Variants in CACNA2D4 observed in about 807,000 individuals in gnomAD.
CACNA2D4 encodes the protein voltage-dependent calcium channel subunit alpha-2/delta-4.
CACNA2D4 carries 157 observed loss-of-function variants against 163.8 expected under a neutral mutation model. The observed-to-expected ratio is 0.96, with a 90% CI of 0.84 to 1.09. The LOEUF (loss-of-function observed/expected upper bound fraction) is 1.09. CACNA2D4 is among the 50% of genes least tolerant of loss of function. CACNA2D4 has a pLI of 0.00. For synonymous variants in CACNA2D4, 598 were observed against 586.9 expected (o/e 1.02, Z -0.27); for missense variants, 1,410 against 1,479.9 (o/e 0.95, Z 0.78).
Position 1,834,953 on chromosome 12 carries a change from G to A in CACNA2D4, c.2551+5786C>T, listed in dbSNP as rs1864793466. The A allele has an allele frequency of 1.4e-6, 1 of 723,372 alleles. No homozygotes were observed. 44.8% of individuals were successfully genotyped at this position (723,372 alleles called of 1,614,324 possible). A position where few individuals can be genotyped will look rare whatever the true frequency, so the allele number is the denominator to read the frequency against. On this transcript the variant is annotated intron_variant, in intron 26 of 37. Coordinates refer to ENST00000382722, the MANE Select transcript of CACNA2D4 (RefSeq NM_172364.5). The surrounding 1 kb of genome is among the most constrained non-coding windows in gnomAD (Gnocchi z 7.6). Reference sequence around the variant, plus strand: ...TCCTGTCTGGGCCAGTAAATCTTTGGAACATGTGGGGGATCTCCCTAAGCT... The same window carrying A: ...TCCTGTCTGGGCCAGTAAATCTTTGAAACATGTGGGGGATCTCCCTAAGCT...
At position 1,875,295 on chromosome 12, in the gene CACNA2D4, T is replaced by A; in HGVS notation, c.1762A>T (p.Ser588Cys). The change falls in exon 17 of 38, where the codon AGT (serine) becomes TGT (cysteine). Residue 588 changes from serine (S) to cysteine (C), a missense_variant. Coordinates refer to ENST00000382722, the MANE Select transcript of CACNA2D4 (RefSeq NM_172364.5). This position sits in a 1 kb window ranked among gnomAD's most constrained non-coding sequence, Gnocchi z 4.0. ...CACTCCACTTCGGAGAGATCCACAC[T>A]GTTGTAGTTAGGTTTGGGTTTTAGT... ...KKLKPKPNYN[S>C]VDLSEVEWED... 1 of 1,613,926 alleles carries A rather than the reference T, an allele frequency of 6.2e-7. No individual in the cohort carries two copies. The highest frequency in any genetic ancestry group is 1.1e-5 in the South Asian group (1 of 91,088).
chr12:1,878,180 T>C lies in CACNA2D4; in HGVS notation c.1719+135A>G. On this transcript the variant is annotated intron_variant, in intron 16 of 37. Transcript: ENST00000382722. This position sits in a 1 kb window ranked among gnomAD's most constrained non-coding sequence, Gnocchi z 4.6. The stretch of plus-strand genomic sequence containing the variant: ...TTGAAAACAGGGACCATGACTCGAA[T>C]ACATTTTTTTTCTCATATTACCCAC... 1 of 972,838 alleles carries C rather than the reference T, an allele frequency of 1.0e-6. No individual in the cohort carries two copies. The highest frequency in any genetic ancestry group is 1.4e-5 in the South Asian group (1 of 70,654). The allele number at this position is 972,838 out of a possible 1,614,324, so 60.3% of individuals were successfully genotyped here.
At chr12:1,795,849 T>G (rs1863106879) in intron 35 of CACNA2D4, 69 bp from the exon 36 acceptor site, 1 of 991,252 alleles carries the variant, frequency 1.0e-6, no homozygotes, top group Non-Finnish European at 1.6e-6. Context: ...GGGAAGGAAC[T>G]TCTGGAGACT....
intron 6 of CACNA2D4, among the ~76,000 whole-genome samples, chr12:1,907,238 A>G (rs1866681300): frequency 6.6e-6 from 1 of 152,208 alleles, no homozygotes; most frequent in South Asian, 2.1e-4. Flanking sequence ...TCATTCATTC[A>G]TTCATTCATC....
rs1863545446 is a variant in CACNA2D4, at chr12:1,806,553, C to G, written c.2721+3725G>C. Among the ~76,000 whole-genome samples the G allele has an allele frequency of 6.6e-6, 1 of 152,184 alleles. No homozygotes were observed. The highest frequency in any genetic ancestry group is 1.9e-4 in the East Asian group (1 of 5,198). On this transcript the variant is annotated intron_variant, in intron 29 of 37. Transcript: ENST00000382722. This position sits in a 1 kb window ranked among gnomAD's most constrained non-coding sequence, Gnocchi z 4.1. Reference sequence around the variant, plus strand: ...GCTCAACAGGCTTCTCTCTCCAGGCCCCTGGGTAAGCCCTAGCAGGGACAA... The same window carrying G: ...GCTCAACAGGCTTCTCTCTCCAGGCGCCTGGGTAAGCCCTAGCAGGGACAA...
intron 6 of CACNA2D4, among the ~76,000 whole-genome samples, chr12:1,896,489 A>T (rs982018497): frequency 1.3e-5 from 2 of 152,180 alleles, no homozygotes; most frequent in African/African-American, 4.8e-5. Flanking sequence ...TCAAAAGAAG[A>T]CATACAAATG....
intron 18 of CACNA2D4, among the ~76,000 whole-genome samples, chr12:1,867,756 C>A (rs75471863): frequency 2.0e-3 from 271 of 135,782 alleles, no homozygotes; most frequent in African/African-American, 5.3e-3. Flanking sequence ...AGCAAAAAAA[C>A]CAAAAAACAA....
At chr12:1,855,045 A>G (rs1340390756) in intron 22 of CACNA2D4, among the ~76,000 whole-genome samples, 2 of 152,170 alleles carry the variant, frequency 1.3e-5, no homozygotes, top group Non-Finnish European at 2.9e-5. Context: ...AAGTGGCTTA[A>G]CAGGATCTCC....
At chr12:1,842,636 C>T (rs1865053731) in intron 25 of CACNA2D4, among the ~76,000 whole-genome samples, 1 of 142,628 alleles carries the variant, frequency 7.0e-6, no homozygotes, top group Non-Finnish European at 1.5e-5. Flanking sequence ...ACCTCATCAC[C>T]ACATAAAGCT....
chr12:1,879,969 C>T lies in CACNA2D4; in HGVS notation c.1486-88G>A, dbSNP rs1218775248. 1.1e-5 allele frequency: 8 copies of T among 747,296 alleles called. No individual in the cohort carries two copies. The Admixed American group carries it at 1.7e-4, about 16-fold the overall frequency. 46.3% of individuals were successfully genotyped at this position (747,296 alleles called of 1,614,324 possible). ...CGGAGCACCCAGTGCGGAGAACCCA[C>T]AGTCACCACATCAATTATCCAGCGT... On this transcript the variant is annotated intron_variant, in intron 13 of 37. Transcript: ENST00000382722.
intron 26 of CACNA2D4, chr12:1,827,923 G>C (rs891091831): frequency 3.4e-5 from 14 of 411,764 alleles, no homozygotes; most frequent in African/African-American, 2.9e-4. Context: ...AAGGCTTCCT[G>C]GCTCCTCTTC....
rs1865389596 is a variant in CACNA2D4, at chr12:1,855,993, G to A, written c.2152+19C>T. ...GGCCCCAGAGGAAAAGCTTGCCTCA[G>A]TGGGCGGCCAGCACTCACACTCCAG... On this transcript the variant is annotated intron_variant, in intron 22 of 37. Coordinates refer to ENST00000382722, the MANE Select transcript of CACNA2D4 (RefSeq NM_172364.5). 1.3e-6 allele frequency: 2 copies of A among 1,597,660 alleles called. No homozygotes were observed. The highest frequency in any genetic ancestry group is 1.7e-5 in the Admixed American group (1 of 59,994).
intron 18 of CACNA2D4, among the ~76,000 whole-genome samples, chr12:1,866,446 TA>T (rs1865652990): frequency 6.6e-6 from 1 of 152,194 alleles, no homozygotes; most frequent in African/African-American, 2.4e-5. Flanking sequence ...AGAGAATAAA[TA>T]AAATATAGTC....
intron 23 of CACNA2D4, among the ~76,000 whole-genome samples, chr12:1,847,549 A>AG (rs1865175644): frequency 6.6e-6 from 1 of 152,170 alleles, no homozygotes; most frequent in Admixed American, 6.5e-5. Flanking sequence ...TCCTGTAGCC[A>AG]GGGGGCTTGT....
chr12:1,844,323 C>T lies in CACNA2D4; in HGVS notation c.2470+79G>A, dbSNP rs1865094322. On this transcript the variant is annotated intron_variant, in intron 25 of 37. Coordinates refer to ENST00000382722, the MANE Select transcript of CACNA2D4 (RefSeq NM_172364.5). This position sits in a 1 kb window ranked among gnomAD's most constrained non-coding sequence, Gnocchi z 4.2. ...CTATTCCATATCTCGTTCCCATTTCCCACTAAGAGCACAGCAGGAGGAGAG... is the reference window on the plus strand; with the variant it reads ...CTATTCCATATCTCGTTCCCATTTCTCACTAAGAGCACAGCAGGAGGAGAG... The T allele has an allele frequency of 6.6e-7, 1 of 1,522,468 alleles. No individual in the cohort carries two copies. The allele number at this position is 1,522,468 out of a possible 1,614,324, so 94.3% of individuals were successfully genotyped here.
Position 1,907,928 on chromosome 12 carries a change from G to T in CACNA2D4, c.596C>A (p.Pro199Gln). 1 of 1,614,054 alleles carries T rather than the reference G, an allele frequency of 6.2e-7. No homozygotes were observed. Among genetic ancestry groups the T allele is most frequent in the Non-Finnish European group, 8.5e-7 (1 of 1,179,884 alleles). Reference sequence around the variant, plus strand: ...CACGCTGCTGATGGAGGTGTTCACCGGCAGGTTGCTGAAGTGAGCATTGGA... The same window carrying T: ...CACGCTGCTGATGGAGGTGTTCACCTGCAGGTTGCTGAAGTGAGCATTGGA... ...LESNAHFSNL[P>Q]VNTSISSVQL... The change falls in exon 5 of 38, where the codon CCG becomes CAG. Residue 199 changes from proline to glutamine, a missense_variant. Pro to Gln is a moderately conservative substitution (Grantham distance 76, BLOSUM62 -1). Transcript: ENST00000382722.
At chr12:1,851,651 T>TTGTGTGTGTGTGTGTGTGTG (rs71055202) in intron 23 of CACNA2D4, among the ~76,000 whole-genome samples, 1 of 118,580 alleles carries the variant, frequency 8.4e-6, no homozygotes, top group African/African-American at 3.2e-5. Context: ...TGGTGTGTGT[T>TTGTGTGTGTGTGTGTGTGTG]TGTGTGTGTG....
intron 6 of CACNA2D4, among the ~76,000 whole-genome samples, chr12:1,895,989 G>T (rs547387986): frequency 6.6e-6 from 1 of 152,148 alleles, no homozygotes; most frequent in East Asian, 1.9e-4. Context: ...AACAAGAAAA[G>T]AACAATCTGT....
chr12:1,885,039 C>T lies in CACNA2D4; in HGVS notation c.1106G>A (p.Gly369Asp). The T allele has an allele frequency of 1.2e-6, 2 of 1,613,984 alleles. No homozygotes were observed. Among genetic ancestry groups the T allele is most frequent in the Non-Finnish European group, 1.7e-6 (2 of 1,179,882 alleles). The change falls in exon 10 of 38, where the codon GGT becomes GAT. Residue 369 changes from glycine (G) to aspartate (D), a missense_variant. Coordinates refer to ENST00000382722, the MANE Select transcript of CACNA2D4 (RefSeq NM_172364.5). ...KLLVEELMVKGVGVVDQALRE... is the reference protein window; with the variant it reads ...KLLVEELMVKDVGVVDQALRE... ...CAGGGCTTGGTCCACGACCCCCACA[C>T]CTTTGACCATCAACTCCTCCACCAG...
Sources: gnomAD v4.1 joint callset for allele counts (sites outside exome capture counted in the v4.1 genomes callset) on GRCh38, gnomAD v4.1.1 for gene constraint, Gnocchi (gnomAD v3.1) non-coding constraint, MANE v1.5 for transcripts, NCBI Gene and HGNC (gene_info 2026-07-23, HGNC 2026-07-21) for gene names.